The following NF1 variants were observed in gnomAD, a reference collection of about 807,000 sequenced individuals.
NF1 encodes neurofibromin 1, also known as neurofibromin.
In NF1, 122 loss-of-function variants were observed where a neutral mutation model predicts 325.7. That is an observed-to-expected ratio of 0.37 (90% CI 0.32 to 0.44). The LOEUF (loss-of-function observed/expected upper bound fraction) is 0.44. NF1 is among the 20% of genes least tolerant of loss of function. The pLI is 1.00. For synonymous variants in NF1, 1,091 were observed against 1,186.0 expected, an observed-to-expected ratio of 0.92 and a Z score of 1.65; for missense variants, 2,140 against 3,415.4, an observed-to-expected ratio of 0.63 and a Z score of 9.31.
chr17:31,263,035 A>ATAGGTAGG (rs71142037), intron 35 of NF1, among the ~76,000 whole-genome samples: 4 of 37,558 alleles, frequency 1.1e-4, no homozygotes, highest in South Asian at 1.1e-3. Flanking sequence ...AGATAGATAG[A>ATAGGTAGG]TAGGTAGGTA....
chr17:31,129,870 A>G (rs1044845754), intron 1 of NF1, among the ~76,000 whole-genome samples: 20 of 152,234 alleles, frequency 1.3e-4, no homozygotes, highest in African/African-American at 4.3e-4. Flanking sequence ...CTGAATCTCA[A>G]TGATTTTCAT....
intron 50 of NF1, 95 bp from the exon 51 acceptor site, chr17:31,352,162 T>C (rs1005197543): frequency 3.9e-5 from 45 of 1,139,454 alleles, no homozygotes; most frequent in Non-Finnish European, 5.4e-5. Flanking sequence ...TTGATTGCTG[T>C]TGTTAGGAAA....
intron 40 of NF1, among the ~76,000 whole-genome samples, chr17:31,335,955 G>A (rs1034391189): frequency 6.7e-6 from 1 of 149,836 alleles, no homozygotes; most frequent in African/African-American, 2.5e-5. Context: ...GCCTCCCCAA[G>A]TGCTGGGATT....
chr17:31,242,230 A>G (rs2067307785), intron 29 of NF1, among the ~76,000 whole-genome samples: 1 of 150,890 alleles, frequency 6.6e-6, no homozygotes, highest in Non-Finnish European at 1.5e-5. Flanking sequence ...TCTTTGGTTT[A>G]AATCTGTTTG....
chr17:31,155,970 C>G lies in NF1; in HGVS notation c.61-13C>G. The G allele has an allele frequency of 1.3e-5, 20 of 1,531,842 alleles. No homozygotes were observed. The highest frequency in any genetic ancestry group is 2.0e-5 in the Admixed American group (1 of 50,866). 94.9% of individuals were successfully genotyped at this position (1,531,842 alleles called of 1,614,324 possible). A position where few individuals can be genotyped will look rare whatever the true frequency, so the allele number is the denominator to read the frequency against. On this transcript the variant is annotated splice_polypyrimidine_tract_variant and intron_variant, in intron 1 of 57. Transcript: ENST00000358273. ...TAAGCTGTTAACGTGTTTTTTTTTT[C>G]TTTTTTTTTCAGCTTCCAATAAAAA...
At chr17:31,170,912 A>C (rs1287947610) in intron 5 of NF1, among the ~76,000 whole-genome samples, 1 of 152,118 alleles carries the variant, frequency 6.6e-6, no homozygotes, top group East Asian at 1.9e-4. Context: ...TACAGTTCAC[A>C]CATATTTTTA....
At chr17:31,097,966 C>T (rs553988217) in intron 1 of NF1, among the ~76,000 whole-genome samples, 31 of 152,106 alleles carry the variant, frequency 2.0e-4, no homozygotes, top group Admixed American at 5.9e-4. Context: ...CTCGGCCTCC[C>T]GAAGTGCTGG....
At chr17:31,112,890 T>C (rs1256254845) in intron 1 of NF1, among the ~76,000 whole-genome samples, 2 of 152,212 alleles carry the variant, frequency 1.3e-5, no homozygotes, top group Non-Finnish European at 2.9e-5. Context: ...ATACTAACGT[T>C]TGTGGCTCAT....
chr17:31,250,542 G>A (rs1329957753), intron 30 of NF1: 3 of 202,052 alleles, frequency 1.5e-5, no homozygotes, highest in Admixed American at 1.2e-4. Flanking sequence ...CTAGGAGATT[G>A]TAGTAGAATT....
At chr17:31,319,165 T>G in intron 36 of NF1, 1 of 849,638 alleles carries the variant, frequency 1.2e-6, no homozygotes, top group Non-Finnish European at 1.8e-6. Context: ...GAATTCCTTC[T>G]CAACTAAATT....
chr17:31,179,209 C>G (rs962689719), intron 5 of NF1, among the ~76,000 whole-genome samples: 1 of 152,198 alleles, frequency 6.6e-6, no homozygotes, highest in African/African-American at 2.4e-5. Flanking sequence ...TTAAGGAACT[C>G]ACTCTAAACC....
At chr17:31,182,411 A>G in intron 7 of NF1, 97 bp from the exon 8 acceptor site, 2 of 1,153,790 alleles carry the variant, frequency 1.7e-6, no homozygotes, top group East Asian at 2.5e-5. Flanking sequence ...TCTTTTAAAA[A>G]TGTTGCCCTT....
At chr17:31,351,964 G>A (rs1313062107) in intron 50 of NF1, among the ~76,000 whole-genome samples, 1 of 151,860 alleles carries the variant, frequency 6.6e-6, no homozygotes, top group African/African-American at 2.4e-5. Context: ...AAAGCTAAGA[G>A]ATTGGACACC....
chr17:31,352,351 G>A lies in NF1; in HGVS notation c.7552G>A (p.Ala2518Thr), dbSNP rs1567625163. The change falls in exon 51 of 58, where the codon GCC (alanine) becomes ACC (threonine). Residue 2518 changes from alanine (A) to threonine (T), a missense_variant. By Grantham distance (58) the Ala-to-Thr change is moderately conservative. Coordinates refer to ENST00000358273, the MANE Select transcript of NF1 (RefSeq NM_001042492.3). ...YPTVGQTSPR[A>T]RKSMSLDMGQ... ...AACTGTCGGCCAGACCAGTCCCCGA[G>A]CCAGGAAATCCATGAGCCTGGACAT... is the stretch of plus-strand genomic sequence containing the variant. 1 of 1,614,096 alleles carries A rather than the reference G, an allele frequency of 6.2e-7. No individual in the cohort carries two copies. Among genetic ancestry groups the A allele is most frequent in the African/African-American group, 1.3e-5 (1 of 75,014 alleles).
intron 57 of NF1, among the ~76,000 whole-genome samples, chr17:31,366,224 G>A (rs551110525): frequency 9.2e-5 from 14 of 152,128 alleles, no homozygotes; most frequent in Admixed American, 2.0e-4. Context: ...ATGAGCCACC[G>A]CACCTGGCCT....
chr17:31,272,574 C>T (rs2067921175), intron 36 of NF1: 1 of 152,222 alleles, frequency 6.6e-6, no homozygotes, highest in Admixed American at 6.5e-5. Context: ...GAGATCTGGG[C>T]TTATCCCAGG....
At chr17:31,186,418 C>T (rs1189239444) in intron 8 of NF1, among the ~76,000 whole-genome samples, 1 of 152,198 alleles carries the variant, frequency 6.6e-6, no homozygotes, top group East Asian at 1.9e-4. Context: ...GGAATCTTCC[C>T]AGTGGGCAGA....
intron 1 of NF1, among the ~76,000 whole-genome samples, chr17:31,130,552 C>T (rs555036100): frequency 7.8e-5 from 11 of 141,602 alleles, no homozygotes; most frequent in Admixed American, 5.1e-4. Context: ...CCTCTGTGCA[C>T]GTTCATGCTG....
chr17:31,255,759 C>G (rs1168057430), intron 31 of NF1, among the ~76,000 whole-genome samples: 3 of 152,098 alleles, frequency 2.0e-5, no homozygotes, highest in South Asian at 2.1e-4. Flanking sequence ...CTTCTTTGTC[C>G]TAGAGAAAAC....
Sources: allele counts gnomAD v4.1 joint callset (sites outside exome capture counted in the v4.1 genomes callset), GRCh38; gene constraint gnomAD v4.1.1; transcripts MANE v1.5; gene names NCBI Gene and HGNC (gene_info 2026-07-23, HGNC 2026-07-21).